TP73: variants seen among roughly 807,000 people sequenced by gnomAD.
TP73 encodes tumor protein p73, also known as p53-like transcription factor.
Under a neutral mutation model 62.5 loss-of-function variants are expected in TP73, and 25 were observed. That is an observed-to-expected ratio of 0.40 (90% CI 0.29 to 0.56). The LOEUF (loss-of-function observed/expected upper bound fraction) is 0.56. TP73 is among the 20% of genes least tolerant of loss of function. The probability of loss-of-function intolerance (pLI) is 0.46; values close to 1 mark genes in which losing one functional copy is unlikely to be tolerated. For missense variants in TP73, 754 were observed against 913.3 expected, an observed-to-expected ratio of 0.83 and a Z score of 2.25; for synonymous variants, 423 against 377.5, an observed-to-expected ratio of 1.12 and a Z score of -1.40.
chr1:3,693,847 C>A (rs1226000132), intron 3 of TP73, among the ~76,000 whole-genome samples: 1 of 66,748 alleles, frequency 1.5e-5, no homozygotes, highest in African/African-American at 4.5e-5. Flanking sequence ...GCCATGCAGC[C>A]TCAGCTCCTC....
At chr1:3,693,368 G>A (rs1181494959) in intron 3 of TP73, among the ~76,000 whole-genome samples, 6 of 152,178 alleles carry the variant, frequency 3.9e-5, no homozygotes, top group Non-Finnish European at 7.4e-5. Flanking sequence ...TAGCTGCTCC[G>A]GAGCCCGCTG....
intron 4 of TP73, among the ~76,000 whole-genome samples, chr1:3,719,825 C>T (rs569408191): frequency 1.3e-5 from 2 of 152,250 alleles, no homozygotes; most frequent in South Asian, 4.1e-4. Context: ...CAGTCCAGGG[C>T]AGGCGCCCGC....
rs1460575797 is a variant in TP73 at position 3,701,208 on chromosome 1, GC to G, written c.187-6336del. On this transcript the variant is annotated intron_variant, in intron 3 of 13. Transcript: ENST00000378295. The surrounding 1 kb of genome is among the most constrained non-coding windows in gnomAD (Gnocchi z 4.7). Reference sequence around the variant, plus strand: ...GAGACCCCGACCCCTGTGAGCACCTGCCCCCGAGAGCACCTGCTCTTCCCCA... The same window carrying G: ...GAGACCCCGACCCCTGTGAGCACCTGCCCCGAGAGCACCTGCTCTTCCCCA... 6.6e-6 allele frequency among the ~76,000 whole-genome samples: 1 copy of G among 152,128 alleles called. No homozygotes were observed. The highest frequency in any genetic ancestry group is 1.5e-5 in the Non-Finnish European group (1 of 68,010).
intron 12 of TP73, 144 bp downstream of exon 12, chr1:3,731,209 GC>G: frequency 8.0e-7 from 1 of 1,244,774 alleles, no homozygotes; most frequent in Non-Finnish European, 1.1e-6. Flanking sequence ...GGGCAGTCAG[GC>G]CAGGAGCATC....
chr1:3,698,834 A>C (rs1638901770), intron 3 of TP73, among the ~76,000 whole-genome samples: 1 of 152,200 alleles, frequency 6.6e-6, no homozygotes, highest in Admixed American at 6.5e-5. Context: ...GGCGCTAAGC[A>C]CAGAGTGGGT....
intron 4 of TP73, 71 bp from the exon 5 acceptor site, chr1:3,721,950 A>C (rs368541847): frequency 2.2e-4 from 321 of 1,482,992 alleles, no homozygotes; most frequent in South Asian, 4.1e-4. Flanking sequence ...CGTGGCTCCC[A>C]ATGGGGGGTG....
intron 1 of TP73, among the ~76,000 whole-genome samples, chr1:3,671,209 G>A (rs1428041088): frequency 6.6e-6 from 1 of 152,222 alleles, no homozygotes; most frequent in Non-Finnish European, 1.5e-5. Context: ...GCAGGGGTGG[G>A]CCTGTCCCTG....
At chr1:3,679,200 G>A (rs1158574391) in intron 1 of TP73, among the ~76,000 whole-genome samples, 1 of 152,188 alleles carries the variant, frequency 6.6e-6, no homozygotes, top group Non-Finnish European at 1.5e-5. Context: ...GGAAGAGAGG[G>A]TGTCGCTTCA....
chr1:3,664,898 G>A (rs1339519759), intron 1 of TP73, among the ~76,000 whole-genome samples: 1 of 152,170 alleles, frequency 6.6e-6, no homozygotes, highest in Non-Finnish European at 1.5e-5. Flanking sequence ...TAAGGTGCAC[G>A]ATTCAGTGGG....
chr1:3,714,472 T>C (rs1422972395), intron 4 of TP73, among the ~76,000 whole-genome samples: 1 of 152,106 alleles, frequency 6.6e-6, no homozygotes, highest in Non-Finnish European at 1.5e-5. Flanking sequence ...GGGGCAAGGA[T>C]GGTGGGGGCT....
Position 3,712,046 on chromosome 1 carries a change from G to A in TP73, c.429+4255G>A, listed in dbSNP as rs145147049. Among the ~76,000 whole-genome samples, 281 of 152,232 alleles carry A rather than the reference G, an allele frequency of 1.8e-3. 1 individual carries two copies. Among genetic ancestry groups the A allele is most frequent in the Middle Eastern group, 6.8e-3 (2 of 294 alleles). Reference sequence around the variant, plus strand: ...ATGGGTCTGGAGCAACCTTCCCAGCGCCTCGGAGGCTTGCAAGCAGGAGAA... The same window carrying A: ...ATGGGTCTGGAGCAACCTTCCCAGCACCTCGGAGGCTTGCAAGCAGGAGAA... On this transcript the variant is annotated intron_variant, in intron 4 of 13. Transcript: ENST00000378295.
In TP73 at chr1:3,666,960, G is replaced by T. The variant is rs905722733; in HGVS notation, c.-34+14319G>T. 6.6e-6 allele frequency among the ~76,000 whole-genome samples: 1 copy of T among 152,204 alleles called. No individual in the cohort carries two copies. Among genetic ancestry groups the T allele is most frequent in the African/African-American group, 2.4e-5 (1 of 41,454 alleles). On this transcript the variant is annotated intron_variant, in intron 1 of 13. Coordinates refer to ENST00000378295, the MANE Select transcript of TP73 (RefSeq NM_005427.4). The surrounding 1 kb of genome is among the most constrained non-coding windows in gnomAD (Gnocchi z 6.4). ...TATTTCCCATGGCAAAGGGGACCGT[G>T]ATTCAGCTATTTTGAGATGGGGAGG...
intron 4 of TP73, among the ~76,000 whole-genome samples, chr1:3,718,288 C>A (rs1288149049): frequency 6.6e-6 from 1 of 152,232 alleles, no homozygotes; most frequent in Non-Finnish European, 1.5e-5. Context: ...GGGAGTCCCT[C>A]AGACAGTGCA....
intron 4 of TP73, among the ~76,000 whole-genome samples, chr1:3,710,611 C>G (rs1337817983): frequency 6.6e-6 from 1 of 152,226 alleles, no homozygotes; most frequent in African/African-American, 2.4e-5. Context: ...CTCCTTTCTC[C>G]CCGATCAGGA....
intron 10 of TP73, 56 bp downstream of exon 10, chr1:3,729,504 C>T: frequency 6.2e-7 from 1 of 1,609,100 alleles, no homozygotes; most frequent in Non-Finnish European, 8.5e-7. Flanking sequence ...GCTTAACCCC[C>T]CAGGAGAAGG....
intron 3 of TP73, among the ~76,000 whole-genome samples, chr1:3,686,486 C>G (rs1645659824): frequency 6.6e-6 from 1 of 152,206 alleles, no homozygotes; most frequent in Non-Finnish European, 1.5e-5. Flanking sequence ...ATGCCAGGTG[C>G]TGGGTGCTGG....
chr1:3,735,936 T>A lies in TP73; in HGVS notation c.*2857T>A, dbSNP rs1642434501. ...CAGTATCCTGGCACAGAGCCACTTG[T>A]CACTCAGAACAGTCAGTGTCTCCAA... On this transcript the variant is annotated 3_prime_UTR_variant, in exon 14 of 14. Transcript: ENST00000378295. The A allele has an allele frequency of 6.6e-6, 1 of 152,222 alleles. No homozygotes were observed. The highest frequency in any genetic ancestry group is 1.9e-4 in the East Asian group (1 of 5,188). 9.4% of individuals were successfully genotyped at this position (152,222 alleles called of 1,614,324 possible).
intron 1 of TP73, among the ~76,000 whole-genome samples, chr1:3,657,139 C>T (rs1444127050): frequency 6.6e-6 from 1 of 152,198 alleles, no homozygotes; most frequent in African/African-American, 2.4e-5. Context: ...TACAAATGAC[C>T]ACAAATTAAG....
chr1:3,730,892 G>A (rs1460332808), intron 11 of TP73, 35 bp from the exon 12 acceptor site: 21 of 1,562,200 alleles, frequency 1.3e-5, no homozygotes, highest in Non-Finnish European at 1.8e-5. Context: ...TGCCCAGCCT[G>A]GCTGCCCTGA....
Sources: gnomAD v4.1 joint callset for allele counts (sites outside exome capture counted in the v4.1 genomes callset) on GRCh38, gnomAD v4.1.1 for gene constraint, Gnocchi (gnomAD v3.1) non-coding constraint, MANE v1.5 for transcripts, NCBI Gene and HGNC (gene_info 2026-07-23, HGNC 2026-07-21) for gene names.